IPO13: variants seen among roughly 807,000 people sequenced by gnomAD.
IPO13 encodes the protein importin 13.
Under a neutral mutation model 115.5 loss-of-function variants are expected in IPO13, and 28 were observed. The ratio of observed to expected loss-of-function variants is 0.24; its 90% CI spans 0.18 to 0.33. The LOEUF (loss-of-function observed/expected upper bound fraction) is 0.33. Among genes scored for constraint, IPO13 ranks in the 10% least tolerant of loss-of-function variants. The pLI, the probability that IPO13 is intolerant of heterozygous loss-of-function variation, is 1.00. For missense variants in IPO13, 785 were observed against 1,204.6 expected (o/e 0.65, Z 5.16); for synonymous variants, 414 against 478.9 (o/e 0.86, Z 1.77).
Position 43,967,233 on chromosome 1 carries a change from T to A in IPO13, c.2614-82T>A. ...GATGTGCAGTTTGGCTTAGGAACTG[T>A]CCAGAGGGCAGTTAGGCATTCTTGC... On this transcript the variant is annotated intron_variant, in intron 18 of 19. Coordinates refer to ENST00000372343, the MANE Select transcript of IPO13 (RefSeq NM_014652.4). The surrounding 1 kb of genome is among the most constrained non-coding windows in gnomAD (Gnocchi z 6.1). The A allele has an allele frequency of 6.9e-7, 1 of 1,451,228 alleles. No homozygotes were observed. 89.9% of individuals were successfully genotyped at this position (1,451,228 alleles called of 1,614,324 possible).
chr1:43,960,213 A>G (rs1408407716), intron 11 of IPO13, 36 bp from the exon 12 acceptor site: 1 of 1,601,012 alleles, frequency 6.2e-7, no homozygotes, highest in African/African-American at 1.3e-5. Context: ...ACAGTGATGG[A>G]TAGCAGAAGC....
At chr1:43,963,850 G>A (rs1284341111) in intron 14 of IPO13, among the ~76,000 whole-genome samples, 3 of 144,368 alleles carry the variant, frequency 2.1e-5, no homozygotes, top group African/African-American at 5.0e-5. Flanking sequence ...CCCCCCCACC[G>A]CCATCCCAGC....
chr1:43,967,656 G>A lies in IPO13; in HGVS notation c.2866G>A (p.Gly956Ser). Reference sequence around the variant, plus strand: ...CACACTGCTGTGCCGGGGTCTCCATGGCACAGATTACACAGCTGACTACTG... The same window carrying A: ...CACACTGCTGTGCCGGGGTCTCCATAGCACAGATTACACAGCTGACTACTG... The part of the protein sequence containing the change: ...EFTLLCRGLH[G>S]TDYTADY The change falls in exon 20 of 20, where the codon GGC becomes AGC. Residue 956 changes from glycine (G) to serine (S), a missense_variant. Gly to Ser is a moderately conservative substitution (Grantham distance 56). This residue lies in a region of IPO13 where 285 missense variants were observed against 394.8 expected (regional missense o/e 0.72). Coordinates refer to ENST00000372343, the MANE Select transcript of IPO13 (RefSeq NM_014652.4). This position sits in a 1 kb window ranked among gnomAD's most constrained non-coding sequence, Gnocchi z 6.1. The A allele has an allele frequency of 1.2e-6, 2 of 1,614,220 alleles. No individual in the cohort carries two copies. The highest frequency in any genetic ancestry group is 1.7e-6 in the Non-Finnish European group (2 of 1,180,028).
At position 43,958,946 on chromosome 1, in the gene IPO13, A is replaced by C. The variant is rs2085271222; in HGVS notation, c.2028+57A>C. 6 of 1,488,242 alleles carry C rather than the reference A, an allele frequency of 4.0e-6. No homozygotes were observed. Among genetic ancestry groups the C allele is most frequent in the Non-Finnish European group, 4.7e-6 (5 of 1,073,742 alleles). 92.2% of individuals were successfully genotyped at this position (1,488,242 alleles called of 1,614,324 possible). Reference sequence around the variant, plus strand: ...TGTCTTTGCCATCCCCCCAACCCCCACCTGTGGGAATGTCATTGTCACTCT... The same window carrying C: ...TGTCTTTGCCATCCCCCCAACCCCCCCCTGTGGGAATGTCATTGTCACTCT... On this transcript the variant is annotated intron_variant, in intron 11 of 19. Coordinates refer to ENST00000372343, the MANE Select transcript of IPO13 (RefSeq NM_014652.4). The surrounding 1 kb of genome is among the most constrained non-coding windows in gnomAD (Gnocchi z 6.3).
intron 12 of IPO13, 79 bp from the exon 13 acceptor site, chr1:43,960,797 G>A: frequency 6.4e-7 from 1 of 1,552,814 alleles, no homozygotes; most frequent in Non-Finnish European, 8.8e-7. Flanking sequence ...CCAATCGTAG[G>A]CCCCCTCTGT....
intron 15 of IPO13, among the ~76,000 whole-genome samples, chr1:43,964,631 T>C (rs988846208): frequency 6.6e-6 from 1 of 152,192 alleles, no homozygotes; most frequent in Non-Finnish European, 1.5e-5. Context: ...AGCTTCTTGT[T>C]GCCCAAGAAG....
At chr1:43,957,059 C>G (rs997719549) in intron 5 of IPO13, 83 bp downstream of exon 5, 3 of 1,568,060 alleles carry the variant, frequency 1.9e-6, no homozygotes, top group Non-Finnish European at 2.6e-6. Flanking sequence ...TCCAGGCTTT[C>G]TGAATTTTGG....
At chr1:43,960,842 C>G (rs535601902) in intron 12 of IPO13, 34 bp from the exon 13 acceptor site, 5 of 1,612,392 alleles carry the variant, frequency 3.1e-6, no homozygotes, top group African/African-American at 1.3e-5. Context: ...CAGTCATGAC[C>G]TGCTGACCAG....
chr1:43,949,293 C>G, intron 1 of IPO13, 124 bp from the exon 2 acceptor site: 1 of 1,025,808 alleles, frequency 9.7e-7, no homozygotes, highest in Non-Finnish European at 1.4e-6. Flanking sequence ...GCGCTGAGCT[C>G]TCCCTGCTCA....
chr1:43,954,082 G>A (rs999063211), intron 2 of IPO13, among the ~76,000 whole-genome samples: 1 of 152,226 alleles, frequency 6.6e-6, no homozygotes, highest in African/African-American at 2.4e-5. Context: ...AACTTTGGCA[G>A]GTGGAGGAAG....
At chr1:43,951,426 A>G (rs2085208148) in intron 2 of IPO13, among the ~76,000 whole-genome samples, 1 of 152,238 alleles carries the variant, frequency 6.6e-6, no homozygotes, top group Admixed American at 6.5e-5. Flanking sequence ...AGAGTTAGCC[A>G]GATGGAAGTG....
At chr1:43,950,207 C>T in intron 2 of IPO13, 54 bp downstream of exon 2, 1 of 1,540,146 alleles carries the variant, frequency 6.5e-7, no homozygotes, top group Non-Finnish European at 8.8e-7. Flanking sequence ...GCCACACATC[C>T]ATCCATCCAT....
In IPO13 at chr1:43,958,912, A is replaced by G. The variant is rs2085270843; in HGVS notation, c.2028+23A>G. 1.9e-6 allele frequency: 3 copies of G among 1,609,708 alleles called. No homozygotes were observed. Among genetic ancestry groups the G allele is most frequent in the Non-Finnish European group, 1.7e-6 (2 of 1,176,590 alleles). ...CCCGTGGGTGACATTTGCCCACGGC[A>G]AAGACATTTGTCTTTGCCATCCCCC... On this transcript the variant is annotated intron_variant, in intron 11 of 19. Coordinates refer to ENST00000372343, the MANE Select transcript of IPO13 (RefSeq NM_014652.4). This position sits in a 1 kb window ranked among gnomAD's most constrained non-coding sequence, Gnocchi z 6.3.
At position 43,949,827 on chromosome 1, in the gene IPO13, C is replaced by G; in HGVS notation, c.495C>G (p.Ala165=). 6.2e-7 allele frequency: 1 copy of G among 1,613,774 alleles called. No homozygotes were observed. The highest frequency in any genetic ancestry group is 8.5e-7 in the Non-Finnish European group (1 of 1,179,942). Residue 165 remains alanine, a synonymous_variant, in exon 2 of 20, where the codon GCC becomes GCG. Transcript: ENST00000372343. ...SPVDGQGRCL[A]LLELLTVLPE... Reference sequence around the variant, plus strand: ...TGGATGGGCAGGGCCGCTGCCTAGCCCTGTTAGAGCTGCTGACAGTGCTGC... The same window carrying G: ...TGGATGGGCAGGGCCGCTGCCTAGCGCTGTTAGAGCTGCTGACAGTGCTGC...
At position 43,952,540 on chromosome 1, in the gene IPO13, G is replaced by T. The variant is rs1215523616; in HGVS notation, c.821+2387G>T. On this transcript the variant is annotated intron_variant, in intron 2 of 19. Coordinates refer to ENST00000372343, the MANE Select transcript of IPO13 (RefSeq NM_014652.4). This position sits in a 1 kb window ranked among gnomAD's most constrained non-coding sequence, Gnocchi z 4.7. ...TTAAGGCTGTTTACTTTTAGTACTGGTCATAAGAAGTAGAACTGGAATCAT... is the reference window on the plus strand; with the variant it reads ...TTAAGGCTGTTTACTTTTAGTACTGTTCATAAGAAGTAGAACTGGAATCAT... Among the ~76,000 whole-genome samples, 2 of 152,156 alleles carry T rather than the reference G, an allele frequency of 1.3e-5. No homozygotes were observed. Among genetic ancestry groups the T allele is most frequent in the African/African-American group, 4.8e-5 (2 of 41,422 alleles).
At position 43,949,674 on chromosome 1, in the gene IPO13, T is replaced by C; in HGVS notation, c.342T>C (p.Ser114=). The C allele has an allele frequency of 6.2e-7, 1 of 1,614,252 alleles. No individual in the cohort carries two copies. The highest frequency in any genetic ancestry group is 8.5e-7 in the Non-Finnish European group (1 of 1,180,034). ...TCACCCAGATCACCCGCTTTGCCAG[T>C]GGCTCCAAGATTGTACTGACTCGGC... The part of the protein sequence containing the change: ...QLFTQITRFA[S]GSKIVLTRLC... The change falls in exon 2 of 20, where the codon AGT becomes AGC. Residue 114 remains serine (S), a synonymous_variant. Coordinates refer to ENST00000372343, the MANE Select transcript of IPO13 (RefSeq NM_014652.4).
In IPO13 at chr1:43,952,251, C is replaced by T. The variant is rs918316205; in HGVS notation, c.821+2098C>T. On this transcript the variant is annotated intron_variant, in intron 2 of 19. Coordinates refer to ENST00000372343, the MANE Select transcript of IPO13 (RefSeq NM_014652.4). The surrounding 1 kb of genome is among the most constrained non-coding windows in gnomAD (Gnocchi z 4.7). ...GTGGCACAATCTCGGCTCACTGCAA[C>T]CTCCGCCTCCCGGGTTCAAGCGATT... is the stretch of plus-strand genomic sequence containing the variant. 1.9e-3 allele frequency among the ~76,000 whole-genome samples: 289 copies of T among 152,298 alleles called. 2 individuals carry two copies. Among genetic ancestry groups the T allele is most frequent in the Non-Finnish European group, 2.8e-3 (188 of 68,024 alleles).
intron 14 of IPO13, among the ~76,000 whole-genome samples, chr1:43,963,228 T>C (rs960581391): frequency 6.6e-6 from 1 of 152,206 alleles, no homozygotes; most frequent in Non-Finnish European, 1.5e-5. Flanking sequence ...CTTAGGCAGA[T>C]GGTTTTGTAC....
chr1:43,951,972 C>A (rs1174807299), intron 2 of IPO13, among the ~76,000 whole-genome samples: 1 of 152,194 alleles, frequency 6.6e-6, no homozygotes, highest in Non-Finnish European at 1.5e-5. Flanking sequence ...ATAATGTGCA[C>A]AAGTCCTGCC....
Sources: allele counts gnomAD v4.1 joint callset (sites outside exome capture counted in the v4.1 genomes callset), GRCh38; gene constraint gnomAD v4.1.1; regional missense constraint gnomAD v4.1.1; non-coding constraint Gnocchi (gnomAD v3.1); transcripts MANE v1.5; gene names NCBI Gene and HGNC (gene_info 2026-07-23, HGNC 2026-07-21).